Variants in ITIH5 observed in about 807,000 individuals in gnomAD.
ITIH5 encodes the protein inter-alpha-trypsin inhibitor heavy chain H5.
Under a neutral mutation model 77.5 loss-of-function variants are expected in ITIH5, and 65 were observed. That is an observed-to-expected ratio of 0.84 (90% confidence interval 0.69 to 1.03). The LOEUF (loss-of-function observed/expected upper bound fraction) is 1.03. ITIH5 is among the 50% of genes least tolerant of loss of function. The pLI, the probability that ITIH5 is intolerant of heterozygous loss-of-function variation, is 0.00. For synonymous variants in ITIH5, 525 were observed against 494.3 expected (o/e 1.06, Z -0.82); for missense variants, 1,208 against 1,213.1 (o/e 1.00, Z 0.06).
Position 7,566,330 on chromosome 10 carries a change from T to G in ITIH5, c.2227A>C (p.Thr743Pro). ...GGCTTGTTGATGAGGATGGTGATAG[T>G]GCGCAAGTAAGTGCGCTGTTTCTTG... ...GHKKQRTYLR[T>P]ITILINKPER... Residue 743 changes from threonine (T) to proline (P), a missense_variant, in exon 13 of 14, where the codon ACT (threonine) becomes CCT (proline). Physicochemically the swap from Thr to Pro is conservative, Grantham distance 38 (BLOSUM62 -1). Transcript: ENST00000397146. The G allele has an allele frequency of 2.5e-6, 4 of 1,613,172 alleles. No homozygotes were observed. The highest frequency in any genetic ancestry group is 3.4e-6 in the Non-Finnish European group (4 of 1,179,270).
chr10:7,633,693 T>G (rs950498337), intron 5 of ITIH5, among the ~76,000 whole-genome samples: 2 of 150,852 alleles, frequency 1.3e-5, no homozygotes. Context: ...CTAAGAGGGT[T>G]GTTATAAAAA....
intron 10 of ITIH5, among the ~76,000 whole-genome samples, chr10:7,574,432 A>T (rs907733565): frequency 1.3e-5 from 2 of 152,156 alleles, no homozygotes; most frequent in Admixed American, 6.5e-5. Flanking sequence ...CTCTCAAAAA[A>T]ATTAAAATTT....
In ITIH5 at chr10:7,563,097, A is replaced by G; in HGVS notation, c.2815T>C (p.Ser939Pro). 6.2e-7 allele frequency: 1 copy of G among 1,611,266 alleles called. No individual in the cohort carries two copies. The highest frequency in any genetic ancestry group is 8.5e-7 in the Non-Finnish European group (1 of 1,179,706). The change falls in exon 14 of 14, where the codon TCC becomes CCC. Residue 939 changes from serine to proline, a missense_variant. Transcript: ENST00000397146. Reference protein sequence around the residue: ...DTGMTLGRGMSREL With the variant: ...DTGMTLGRGMPREL ...GGCTGCCAGCTTCAGAGCTCCCTGG[A>G]CATTCCCCGGCCAAGTGTCATCCCT...
rs576015885 is a variant in ITIH5 at position 7,566,844 on chromosome 10, GGAAGAAGAAGAAGAAGAAGAAGAAGAA to G, written c.2150-464_2150-438del. Among the ~76,000 whole-genome samples, 135 of 17,794 alleles carry G rather than the reference GGAAGAAGAAGAAGAAGAAGAAGAAGAA, an allele frequency of 7.6e-3. 4 individuals are homozygous for G. Among genetic ancestry groups the G allele is most frequent in the South Asian group, 0.02 (6 of 304 alleles). 11.7% of individuals were successfully genotyped at this position (17,794 alleles called of 152,430 possible). ...AGGAAGAGGAAGAGGAAGAGGAAGA[GGAAGAAGAAGAAGAAGAAGAAGAAGAA>G]GAAGAAGAAGAAGAAGAAGAAGAAG... On this transcript the variant is annotated intron_variant, in intron 12 of 13. Transcript: ENST00000397146.
In ITIH5 at chr10:7,562,909, ACCC is replaced by A; in HGVS notation, c.*171_*173del. On this transcript the variant is annotated 3_prime_UTR_variant, in exon 14 of 14. Coordinates refer to ENST00000397146, the MANE Select transcript of ITIH5 (RefSeq NM_030569.7). Reference sequence around the variant, plus strand: ...ATTTGCACTCAGGCTTCCCGCCCCTACCCACCCCTACCCTTCGCCCAGACAGAC... The same window carrying A: ...ATTTGCACTCAGGCTTCCCGCCCCTAACCCCTACCCTTCGCCCAGACAGAC... The A allele has an allele frequency of 2.5e-5, 14 of 551,812 alleles. No homozygotes were observed. Among genetic ancestry groups the A allele is most frequent in the Non-Finnish European group, 3.7e-5 (11 of 296,016 alleles). 34.2% of individuals were successfully genotyped at this position (551,812 alleles called of 1,614,324 possible).
At chr10:7,664,760 C>T (rs1390829779) in intron 1 of ITIH5, among the ~76,000 whole-genome samples, 1 of 152,194 alleles carries the variant, frequency 6.6e-6, no homozygotes, top group East Asian at 1.9e-4. Flanking sequence ...TTTGCATAGA[C>T]TTACATTTTT....
chr10:7,590,938 C>A (rs1359818631), intron 7 of ITIH5, among the ~76,000 whole-genome samples: 1 of 152,232 alleles, frequency 6.6e-6, no homozygotes, highest in African/African-American at 2.4e-5. Flanking sequence ...TGCTCTGTCA[C>A]CAGGCTGGAG....
Position 7,569,680 on chromosome 10 carries a change from G to A in ITIH5, c.2137C>T (p.His713Tyr), listed in dbSNP as rs751675408. 11 of 1,606,390 alleles carry A rather than the reference G, an allele frequency of 6.8e-6. No individual in the cohort carries two copies. Among genetic ancestry groups the A allele is most frequent in the Non-Finnish European group, 9.4e-6 (11 of 1,176,362 alleles). The change falls in exon 12 of 14, where the codon CAC (histidine) becomes TAC (tyrosine). Residue 713 changes from histidine to tyrosine, a missense_variant. Physicochemically the swap from His to Tyr is moderately conservative, Grantham distance 83. Transcript: ENST00000397146. ...AGGTAGAACTTACCAGAGTCCCTGTGATCAGAGACCAGCCTGAGGATGTCC... is the reference window on the plus strand; with the variant it reads ...AGGTAGAACTTACCAGAGTCCCTGTAATCAGAGACCAGCCTGAGGATGTCC... Reference protein sequence around the residue: ...PGDILRLVSDHRDSGVTVNGE... With the variant: ...PGDILRLVSDYRDSGVTVNGE...
At chr10:7,596,430 G>A (rs1355084819) in intron 7 of ITIH5, among the ~76,000 whole-genome samples, 1 of 152,134 alleles carries the variant, frequency 6.6e-6, no homozygotes, top group Non-Finnish European at 1.5e-5. Flanking sequence ...CTTCCATCGG[G>A]TACCCACAAT....
chr10:7,626,606 T>C (rs1833582924), intron 5 of ITIH5, among the ~76,000 whole-genome samples: 1 of 152,156 alleles, frequency 6.6e-6, no homozygotes, highest in South Asian at 2.1e-4. Flanking sequence ...TCACAGCCAG[T>C]CACAGTGCAG....
chr10:7,633,817 C>T (rs964584041), intron 5 of ITIH5, among the ~76,000 whole-genome samples: 2 of 151,892 alleles, frequency 1.3e-5, no homozygotes, highest in Non-Finnish European at 2.9e-5. Context: ...TGGCCGGGCG[C>T]GGTGGCTCAC....
At chr10:7,652,959 C>T (rs1367934743) in intron 2 of ITIH5, among the ~76,000 whole-genome samples, 1 of 151,746 alleles carries the variant, frequency 6.6e-6, no homozygotes, top group Non-Finnish European at 1.5e-5. Flanking sequence ...TTTAAAATGT[C>T]CAAATCCTTG....
intron 5 of ITIH5, among the ~76,000 whole-genome samples, chr10:7,623,647 C>G (rs1425711015): frequency 6.6e-6 from 1 of 151,698 alleles, no homozygotes; most frequent in Non-Finnish European, 1.5e-5. Flanking sequence ...ACTAAAAATA[C>G]AAAAAAATAG....
chr10:7,654,123 C>CTCCA (rs1834143902), intron 2 of ITIH5, among the ~76,000 whole-genome samples: 2 of 152,200 alleles, frequency 1.3e-5, no homozygotes, highest in African/African-American at 4.8e-5. Context: ...CGCCACTGCA[C>CTCCA]TCCAGCCTGA....
intron 5 of ITIH5, among the ~76,000 whole-genome samples, chr10:7,626,655 A>G (rs965669736): frequency 6.6e-6 from 1 of 152,202 alleles, no homozygotes; most frequent in Non-Finnish European, 1.5e-5. Context: ...AGCAAATTAC[A>G]ATACAGAATG....
In ITIH5 at chr10:7,586,082, A is replaced by G. The variant is rs1268406428; in HGVS notation, c.940-13T>C. 2 of 1,609,080 alleles carry G rather than the reference A, an allele frequency of 1.2e-6. No individual in the cohort carries two copies. Among genetic ancestry groups the G allele is most frequent in the African/African-American group, 2.7e-5 (2 of 74,752 alleles). ...GGGCATCCTTGGTCTAGGCAAACAC[A>G]AAAGCAAAACCAGTCACAGCTGCTC... On this transcript the variant is annotated splice_polypyrimidine_tract_variant and intron_variant, in intron 7 of 13. Transcript: ENST00000397146.
chr10:7,650,462 G>T (rs1006738966), intron 2 of ITIH5, among the ~76,000 whole-genome samples: 1 of 152,176 alleles, frequency 6.6e-6, no homozygotes, highest in Non-Finnish European at 1.5e-5. Context: ...AGGGCCGGGC[G>T]TGGTGGCTCA....
intron 5 of ITIH5, chr10:7,617,601 A>G (rs1195374595): frequency 2.2e-5 from 4 of 181,944 alleles, no homozygotes; most frequent in African/African-American, 2.3e-5. Flanking sequence ...GTATGTTTTT[A>G]TCTATTCCCC....
At chr10:7,596,854 C>A (rs920739463) in intron 7 of ITIH5, among the ~76,000 whole-genome samples, 1 of 151,844 alleles carries the variant, frequency 6.6e-6, no homozygotes, top group African/African-American at 2.4e-5. Context: ...TTGAGACCAG[C>A]CTGGCCAACG....
Sources: gnomAD v4.1 joint callset for allele counts (sites outside exome capture counted in the v4.1 genomes callset) on GRCh38, gnomAD v4.1.1 for gene constraint, MANE v1.5 for transcripts, NCBI Gene and HGNC (gene_info 2026-07-23, HGNC 2026-07-21) for gene names.